Variants in PDE4D observed in about 807,000 individuals in gnomAD.
PDE4D encodes the protein phosphodiesterase 4D.
PDE4D carries 24 observed loss-of-function variants against 87.4 expected under a neutral mutation model. That is an observed-to-expected ratio of 0.27 (90% CI 0.20 to 0.39). The LOEUF (loss-of-function observed/expected upper bound fraction) is 0.39, where lower values mean the gene tolerates loss of function less well. PDE4D is among the 10% of genes least tolerant of loss of function. The pLI, the probability that PDE4D is intolerant of heterozygous loss-of-function variation, is 1.00. For synonymous variants in PDE4D, 384 were observed against 383.2 expected (o/e 1.00, Z -0.02); for missense variants, 714 against 1,041.0 (o/e 0.69, Z 4.32).
At chr5:60,484,475 T>C (rs1366645215) in intron 1 of PDE4D, among the ~76,000 whole-genome samples, 6 of 152,204 alleles carry the variant, frequency 3.9e-5, no homozygotes, top group African/African-American at 1.4e-4. Context: ...ATTGAAAATT[T>C]GCAAAGAATT....
intron 5 of PDE4D, among the ~76,000 whole-genome samples, chr5:59,171,185 A>G (rs1782708984): frequency 6.6e-6 from 1 of 152,082 alleles, no homozygotes; most frequent in Non-Finnish European, 1.5e-5. Flanking sequence ...CCTGGCTCAT[A>G]CTTTCACTTT....
At chr5:60,303,878 A>G (rs916740727) in intron 1 of PDE4D, among the ~76,000 whole-genome samples, 6 of 152,140 alleles carry the variant, frequency 3.9e-5, no homozygotes, top group African/African-American at 1.2e-4. Flanking sequence ...GATCTGTCTA[A>G]TATTGTCAGT....
intron 2 of PDE4D, among the ~76,000 whole-genome samples, chr5:60,092,863 G>A (rs1456038291): frequency 6.6e-6 from 1 of 152,122 alleles, no homozygotes; most frequent in Non-Finnish European, 1.5e-5. Flanking sequence ...TTGACTCTGG[G>A]GACAATACAA....
At chr5:60,360,412 C>A (rs75525030) in intron 1 of PDE4D, among the ~76,000 whole-genome samples, 1 of 152,110 alleles carries the variant, frequency 6.6e-6, no homozygotes, top group Non-Finnish European at 1.5e-5. Flanking sequence ...TTGAAAAAAG[C>A]TAAAGAAGAA....
intron 1 of PDE4D, among the ~76,000 whole-genome samples, chr5:60,236,640 G>A (rs2149643495): frequency 6.6e-6 from 1 of 152,006 alleles, no homozygotes; most frequent in South Asian, 2.1e-4. Context: ...TTAAAATACA[G>A]CCATTATTTC....
intron 1 of PDE4D, among the ~76,000 whole-genome samples, chr5:59,440,304 C>T (rs936167486): frequency 6.6e-6 from 1 of 152,128 alleles, no homozygotes; most frequent in East Asian, 1.9e-4. Flanking sequence ...TAGCCTAAGA[C>T]CTTACTAACT....
intron 1 of PDE4D, among the ~76,000 whole-genome samples, chr5:59,452,747 T>A (rs1799357377): frequency 6.6e-6 from 1 of 152,190 alleles, no homozygotes; most frequent in South Asian, 2.1e-4. Flanking sequence ...CAATATGTGG[T>A]CTGAGAATAA....
At chr5:59,014,805 G>T (rs10472088) in intron 6 of PDE4D, among the ~76,000 whole-genome samples, 4 of 152,040 alleles carry the variant, frequency 2.6e-5, no homozygotes, top group Admixed American at 1.3e-4. Flanking sequence ...AAAAGAGCCC[G>T]CATTGCCAAG....
intron 1 of PDE4D, among the ~76,000 whole-genome samples, chr5:59,846,549 T>A (rs1743884297): frequency 6.6e-6 from 1 of 152,050 alleles, no homozygotes; most frequent in Admixed American, 6.6e-5. Flanking sequence ...GCTCTTACAT[T>A]TTCAGAACCA....
chr5:59,717,268 C>G (rs1159595077), intron 1 of PDE4D, among the ~76,000 whole-genome samples: 1 of 152,176 alleles, frequency 6.6e-6, no homozygotes, highest in Non-Finnish European at 1.5e-5. Flanking sequence ...AAAGCTGCCA[C>G]CATTCCTAGT....
chr5:60,107,455 C>T (rs1157210385), intron 2 of PDE4D, among the ~76,000 whole-genome samples: 1 of 152,190 alleles, frequency 6.6e-6, no homozygotes, highest in Non-Finnish European at 1.5e-5. Flanking sequence ...ACCATTCCTT[C>T]TGAAACTATT....
intron 1 of PDE4D, among the ~76,000 whole-genome samples, chr5:59,268,394 T>C (rs1763215952): frequency 6.6e-6 from 1 of 152,082 alleles, no homozygotes; most frequent in South Asian, 2.1e-4. Flanking sequence ...AGCTGAGACA[T>C]ATCACTGGCA....
intron 1 of PDE4D, among the ~76,000 whole-genome samples, chr5:60,224,558 C>T (rs574728839): frequency 6.6e-6 from 1 of 152,168 alleles, no homozygotes; most frequent in Non-Finnish European, 1.5e-5. Context: ...CAGGACTTAA[C>T]TGAGCTCCTC....
At chr5:60,002,413 A>C (rs1415190744) in intron 2 of PDE4D, among the ~76,000 whole-genome samples, 1 of 152,198 alleles carries the variant, frequency 6.6e-6, no homozygotes, top group Non-Finnish European at 1.5e-5. Flanking sequence ...TTCCAAATTC[A>C]TTTTATGAGG....
intron 1 of PDE4D, among the ~76,000 whole-genome samples, chr5:60,245,083 C>T (rs541250951): frequency 6.6e-6 from 1 of 151,954 alleles, no homozygotes; most frequent in Admixed American, 6.6e-5. Flanking sequence ...ATAAGGAGCA[C>T]AAACAACACT....
chr5:59,223,936 G>A (rs1481251515), intron 1 of PDE4D, among the ~76,000 whole-genome samples: 1 of 151,800 alleles, frequency 6.6e-6, no homozygotes, highest in African/African-American at 2.4e-5. Flanking sequence ...TTTGCACAGA[G>A]TTAAGATATT....
intron 1 of PDE4D, among the ~76,000 whole-genome samples, chr5:60,393,885 C>T (rs777091899): frequency 4.1e-4 from 63 of 152,282 alleles, no homozygotes; most frequent in South Asian, 4.1e-4. Flanking sequence ...ATTTAACTCT[C>T]TTAGGGTACT....
At chr5:60,335,811 A>C (rs1561131293) in intron 1 of PDE4D, among the ~76,000 whole-genome samples, 1 of 152,212 alleles carries the variant, frequency 6.6e-6, no homozygotes, top group Non-Finnish European at 1.5e-5. Context: ...CCTAGTCAAG[A>C]AGGGGGTTCA....
At chr5:59,272,398 TAAC>T (rs1364877015) in intron 1 of PDE4D, among the ~76,000 whole-genome samples, 1 of 152,078 alleles carries the variant, frequency 6.6e-6, no homozygotes. Flanking sequence ...TCATAGTATA[TAAC>T]AACTGACTAA....
Sources: gnomAD v4.1 joint callset for allele counts (sites outside exome capture counted in the v4.1 genomes callset) on GRCh38, gnomAD v4.1.1 for gene constraint, MANE v1.5 for transcripts, NCBI Gene and HGNC (gene_info 2026-07-23, HGNC 2026-07-21) for gene names.